The following TULP4 variants were observed in gnomAD, a reference collection of about 807,000 sequenced individuals.
The protein encoded by TULP4 is tubby-related protein 4.
Under a neutral mutation model 129.0 loss-of-function variants are expected in TULP4, and 16 were observed. The observed-to-expected ratio is 0.12, with a 90% CI of 0.08 to 0.19. The LOEUF is 0.19. TULP4 is among the 10% of genes least tolerant of loss of function. TULP4 has a pLI of 1.00. For synonymous variants in TULP4, 998 were observed against 854.0 expected (o/e 1.17, Z -2.94); for missense variants, 1,842 against 2,059.1 (o/e 0.89, Z 2.04).
intron 3 of TULP4, among the ~76,000 whole-genome samples, chr6:158,443,224 T>C (rs969960376): frequency 2.6e-5 from 4 of 152,242 alleles, no homozygotes; most frequent in East Asian, 1.9e-4. Flanking sequence ...CCTTGTGATC[T>C]GCCCGCCTCG....
intron 1 of TULP4, among the ~76,000 whole-genome samples, chr6:158,276,275 A>G (rs989941415): frequency 5.4e-5 from 8 of 148,564 alleles, no homozygotes; most frequent in African/African-American, 1.7e-4. Flanking sequence ...CGGCTGGGAG[A>G]CTTTTTCTTC....
intron 1 of TULP4, among the ~76,000 whole-genome samples, chr6:158,275,451 C>T (rs1434687507): frequency 6.6e-6 from 1 of 152,196 alleles, no homozygotes; most frequent in Non-Finnish European, 1.5e-5. Flanking sequence ...AGGTCCCACA[C>T]TGACCCTCAC....
chr6:158,461,896 C>T (rs886937493), intron 6 of TULP4, among the ~76,000 whole-genome samples, 167 bp downstream of exon 6: 1 of 152,116 alleles, frequency 6.6e-6, no homozygotes, highest in Non-Finnish European at 1.5e-5. Flanking sequence ...AACCAGAATG[C>T]TTTATTCTAT....
Position 158,313,116 on chromosome 6 carries a change from G to T in TULP4, c.-901G>T, listed in dbSNP as rs903066214. The T allele has an allele frequency of 1.9e-4, 38 of 198,162 alleles. No individual in the cohort carries two copies. The highest frequency in any genetic ancestry group is 7.6e-4 in the African/African-American group (33 of 43,360). 12.3% of individuals were successfully genotyped at this position (198,162 alleles called of 1,614,324 possible). On this transcript the variant is annotated 5_prime_UTR_variant, in exon 1 of 14. Transcript: ENST00000367097. ...CGTGGCTCTGTTTTGTCAGCAAGAG[G>T]ATTTAAGACTCACCCAGGGCAAACA...
At chr6:158,242,303 G>C (rs761377338) in intron 1 of TULP4, 19 of 1,560,838 alleles carry the variant, frequency 1.2e-5, no homozygotes, top group Non-Finnish European at 1.7e-5. Context: ...GCTCATGTGT[G>C]CCTTCTTGGA....
chr6:158,279,040 C>G (rs947394740), upstream of TULP4, among the ~76,000 whole-genome samples: 2 of 148,720 alleles, frequency 1.3e-5, no homozygotes, highest in African/African-American at 4.9e-5. Flanking sequence ...CCTGGGTTCA[C>G]GCCATTCTCC....
chr6:158,500,267 C>T (rs1168589721), intron 12 of TULP4, among the ~76,000 whole-genome samples: 1 of 152,132 alleles, frequency 6.6e-6, no homozygotes, highest in Non-Finnish European at 1.5e-5. Context: ...AGATGCCTGC[C>T]ATCAGTGTTT....
intron 1 of TULP4, chr6:158,242,346 T>G (rs1777938575): frequency 8.5e-6 from 13 of 1,531,128 alleles, no homozygotes; most frequent in Non-Finnish European, 1.1e-5. Flanking sequence ...TTTTTCCCAA[T>G]TGCTTTGAGC....
chr6:158,414,626 C>T (rs1200620823), intron 2 of TULP4, among the ~76,000 whole-genome samples: 1 of 152,072 alleles, frequency 6.6e-6, no homozygotes, highest in Non-Finnish European at 1.5e-5. Context: ...GTGAAATGAC[C>T]GCCTCTCCGA....
chr6:158,329,084 A>G (rs1779816610), intron 1 of TULP4, among the ~76,000 whole-genome samples: 1 of 152,192 alleles, frequency 6.6e-6, no homozygotes, highest in South Asian at 2.1e-4. Flanking sequence ...TTGACTCCAA[A>G]CTTCCAAAAC....
chr6:158,257,234 CG>C (rs1435198725), intron 1 of TULP4, among the ~76,000 whole-genome samples: 1 of 152,038 alleles, frequency 6.6e-6, no homozygotes, highest in African/African-American at 2.4e-5. Context: ...GGACTCTGTT[CG>C]TTTCTGCCCA....
chr6:158,242,561 C>G, intron 1 of TULP4: 6 of 740,452 alleles, frequency 8.1e-6, no homozygotes, highest in South Asian at 1.4e-5. Flanking sequence ...TGAGCCTGTA[C>G]TCGCAATATG....
rs1054403424 is a variant in TULP4 at position 158,313,256 on chromosome 6, C to G, written c.-761C>G. The G allele has an allele frequency of 2.7e-6, 1 of 371,840 alleles. No individual in the cohort carries two copies. Among genetic ancestry groups the G allele is most frequent in the East Asian group, 3.8e-5 (1 of 26,010 alleles). 23.0% of individuals were successfully genotyped at this position (371,840 alleles called of 1,614,324 possible). The stretch of plus-strand genomic sequence containing the variant: ...CTGGTGGAGGAGCAGTCCGATGGAG[C>G]CCTGCGTTCCCCGGGGACACAGGGC... On this transcript the variant is annotated 5_prime_UTR_variant, in exon 1 of 14. Transcript: ENST00000367097.
intron 1 of TULP4, among the ~76,000 whole-genome samples, chr6:158,303,162 G>A (rs1052521641): frequency 2.0e-4 from 31 of 151,252 alleles, no homozygotes; most frequent in Admixed American, 7.9e-4. Context: ...CTAGGACCCC[G>A]TGTCTTATCT....
Position 158,452,053 on chromosome 6 carries a change from C to T in TULP4, c.725-81C>T, listed in dbSNP as rs987848854. 4 of 1,572,900 alleles carry T rather than the reference C, an allele frequency of 2.5e-6. No homozygotes were observed. In the African/African-American group the frequency reaches 4.1e-5, roughly 16 times the overall value. Reference sequence around the variant, plus strand: ...GCATTGTCAGGCAATTTCTAAGGCACCATGCAAGATTTCAGCTTTGGGAAC... The same window carrying T: ...GCATTGTCAGGCAATTTCTAAGGCATCATGCAAGATTTCAGCTTTGGGAAC... On this transcript the variant is annotated intron_variant, in intron 4 of 13. Transcript: ENST00000367097.
chr6:158,410,230 A>G (rs562122221), intron 1 of TULP4, among the ~76,000 whole-genome samples: 2 of 152,250 alleles, frequency 1.3e-5, no homozygotes, highest in African/African-American at 4.8e-5. Context: ...CTGTGTTGTC[A>G]TAAGACCAAA....
rs187296071 is a variant in TULP4, at chr6:158,507,302, C to G, written c.*608C>G. 1 of 153,686 alleles carries G rather than the reference C, an allele frequency of 6.5e-6. No individual in the cohort carries two copies. The highest frequency in any genetic ancestry group is 2.4e-5 in the African/African-American group (1 of 41,428). 9.5% of individuals were successfully genotyped at this position (153,686 alleles called of 1,614,324 possible). A position where few individuals can be genotyped will look rare whatever the true frequency, so the allele number is the denominator to read the frequency against. ...GGGGTGTTCTCACCAGGTAGAAATG[C>G]GATTTGCTCACTGAGGATGTTGGGG... On this transcript the variant is annotated 3_prime_UTR_variant, in exon 14 of 14. Coordinates refer to ENST00000367097, the MANE Select transcript of TULP4 (RefSeq NM_020245.5).
rs1349743916 is a variant in TULP4 at position 158,272,451 on chromosome 6, G to A, written n.69-39600G>A. On this transcript the variant is annotated intron_variant and non_coding_transcript_variant, in intron 1 of 1. Transcript: ENST00000620026. ...GAGCTGAAGAAGAGGATCTGGCAGTGAGTGCTGTGGAACCTCAGCATCCCA... is the reference window on the plus strand; with the variant it reads ...GAGCTGAAGAAGAGGATCTGGCAGTAAGTGCTGTGGAACCTCAGCATCCCA... Among the ~76,000 whole-genome samples the A allele has an allele frequency of 2.6e-5, 4 of 152,150 alleles. No individual in the cohort carries two copies. The East Asian group carries it at 7.7e-4, about 29-fold the overall frequency.
At chr6:158,469,095 A>G (rs937175202) in intron 6 of TULP4, among the ~76,000 whole-genome samples, 1 of 152,160 alleles carries the variant, frequency 6.6e-6, no homozygotes, top group Non-Finnish European at 1.5e-5. Flanking sequence ...GAGGTGAGAC[A>G]GGGCTTTGGG....
Sources: allele counts gnomAD v4.1 joint callset (sites outside exome capture counted in the v4.1 genomes callset), GRCh38; gene constraint gnomAD v4.1.1; transcripts MANE v1.5; gene names NCBI Gene and HGNC (gene_info 2026-07-23, HGNC 2026-07-21).